The following NINL variants were observed in gnomAD, a reference collection of about 807,000 sequenced individuals.
The protein encoded by NINL is ninein like, also known as ninein-like protein.
In NINL, 153 loss-of-function variants were observed where a neutral mutation model predicts 160.3. The ratio of observed to expected loss-of-function variants is 0.95; its 90% CI spans 0.84 to 1.09. NINL has a LOEUF of 1.09. NINL is among the 50% of genes least tolerant of loss of function. The pLI, the probability that NINL is intolerant of heterozygous loss-of-function variation, is 0.00. For synonymous variants in NINL, 800 were observed against 734.8 expected, an observed-to-expected ratio of 1.09 and a Z score of -1.43; for missense variants, 1,829 against 1,764.0, an observed-to-expected ratio of 1.04 and a Z score of -0.66.
chr20:25,541,540 T>C (rs1228114856), intron 1 of NINL, among the ~76,000 whole-genome samples: 1 of 152,262 alleles, frequency 6.6e-6, no homozygotes, highest in African/African-American at 2.4e-5. Flanking sequence ...CTTATATTCA[T>C]GCTAGGACTA....
chr20:25,470,640 G>A (rs746260304), intron 17 of NINL, among the ~76,000 whole-genome samples: 8 of 152,186 alleles, frequency 5.3e-5, no homozygotes, highest in Non-Finnish European at 1.2e-4. Context: ...ACAACTCAGG[G>A]AGTCCCTGCT....
At chr20:25,472,477 T>C (rs922250134) in intron 17 of NINL, among the ~76,000 whole-genome samples, 1 of 149,780 alleles carries the variant, frequency 6.7e-6, no homozygotes, top group Non-Finnish European at 1.5e-5. Context: ...TTAATAGTAA[T>C]GGCTGAGAGA....
chr20:25,585,101 G>A (rs982083590), intron 1 of NINL, among the ~76,000 whole-genome samples: 2 of 152,148 alleles, frequency 1.3e-5, no homozygotes, highest in African/African-American at 2.4e-5. Context: ...TTACCACGGG[G>A]GGCCCCGGCC....
chr20:25,493,084 C>T (rs2063674831), intron 10 of NINL, among the ~76,000 whole-genome samples: 1 of 152,164 alleles, frequency 6.6e-6, no homozygotes. Flanking sequence ...GTTTCCAATC[C>T]TCTAACCCTG....
In NINL at chr20:25,554,210, G is replaced by A. The variant is rs1371734328; in HGVS notation, c.-11-27612C>T. ...CAAGGAGCCACACAGCGGGAGGGCT[G>A]CACTCTGCGGAGCATGGGGTCAGGA... On this transcript the variant is annotated intron_variant, in intron 1 of 23. Transcript: ENST00000278886. 3.9e-5 allele frequency among the ~76,000 whole-genome samples: 6 copies of A among 152,182 alleles called. No homozygotes were observed. In the South Asian group the frequency reaches 1.0e-3, roughly 26 times the overall value.
intron 17 of NINL, among the ~76,000 whole-genome samples, chr20:25,472,583 G>A (rs1035642923): frequency 1.3e-4 from 20 of 148,736 alleles, no homozygotes; most frequent in Non-Finnish European, 2.7e-4. Flanking sequence ...AGGCTGGAGT[G>A]CAGTGGTGCA....
At chr20:25,578,269 G>A (rs1336555120) in intron 1 of NINL, among the ~76,000 whole-genome samples, 1 of 151,270 alleles carries the variant, frequency 6.6e-6, no homozygotes, top group Non-Finnish European at 1.5e-5. Context: ...CACCACACCT[G>A]GCTAATTTTT....
At position 25,496,762 on chromosome 20, in the gene NINL, C is replaced by T; in HGVS notation, c.1211G>A (p.Arg404Lys). 6.2e-7 allele frequency: 1 copy of T among 1,614,082 alleles called. No individual in the cohort carries two copies. Among genetic ancestry groups the T allele is most frequent in the South Asian group, 1.1e-5 (1 of 91,082 alleles). Reference sequence around the variant, plus strand: ...CTTCTCGGCCCTCTCCAGGTCCTGCCTTGCCTTGTCACGCTCCCTTGCCAG... The same window carrying T: ...CTTCTCGGCCCTCTCCAGGTCCTGCTTTGCCTTGTCACGCTCCCTTGCCAG... ...EQLARERDKA[R>K]QDLERAEKRN... The change falls in exon 10 of 24, where the codon AGG (arginine) becomes AAG (lysine). Residue 404 changes from arginine (R) to lysine (K), a missense_variant. Physicochemically the swap from Arg to Lys is conservative, Grantham distance 26 (BLOSUM62 2). Coordinates refer to ENST00000278886, the MANE Select transcript of NINL (RefSeq NM_025176.6).
chr20:25,522,323 G>T (rs1396350614), intron 2 of NINL, among the ~76,000 whole-genome samples: 2 of 152,162 alleles, frequency 1.3e-5, no homozygotes, highest in African/African-American at 4.8e-5. Flanking sequence ...TTGAAAGCTT[G>T]GCCTGAGTTA....
rs189135858 is a variant in NINL at position 25,479,300 on chromosome 20, C to T, written c.1918-94G>A. 9.0e-5 allele frequency: 134 copies of T among 1,480,762 alleles called. No individual in the cohort carries two copies. In the African/African-American group the frequency reaches 1.0e-3, roughly 11 times the overall value. The allele number at this position is 1,480,762 out of a possible 1,614,324, so 91.7% of individuals were successfully genotyped here. ...AGAAACACGAAGCTGCCTGGCACAA[C>T]GTGCAAAGACCGGCATCCTGGCCTG... is the stretch of plus-strand genomic sequence containing the variant. On this transcript the variant is annotated intron_variant, in intron 15 of 23. Coordinates refer to ENST00000278886, the MANE Select transcript of NINL (RefSeq NM_025176.6).
At chr20:25,557,606 C>T (rs1017634065) in intron 1 of NINL, among the ~76,000 whole-genome samples, 2 of 151,656 alleles carry the variant, frequency 1.3e-5, no homozygotes, top group African/African-American at 4.8e-5. Flanking sequence ...AGTGATAATT[C>T]AACACAAAGA....
At chr20:25,517,977 C>T (rs375252513) in intron 2 of NINL, 128 bp from the exon 3 acceptor site, 34 of 523,082 alleles carry the variant, frequency 6.5e-5, no homozygotes, top group East Asian at 3.7e-4. Flanking sequence ...AGAACATTCA[C>T]GTTTTCAAAT....
chr20:25,504,168 G>A (rs2063919676), intron 6 of NINL, 64 bp from the exon 7 acceptor site: 1 of 1,498,068 alleles, frequency 6.7e-7, no homozygotes, highest in Admixed American at 2.3e-5. Flanking sequence ...CCCTCACCAG[G>A]GCCTCCCTCC....
chr20:25,510,801 C>A, intron 4 of NINL, 61 bp from the exon 5 acceptor site: 1 of 1,286,108 alleles, frequency 7.8e-7, no homozygotes, highest in Non-Finnish European at 1.1e-6. Context: ...GGACGGAGCA[C>A]CGGGAACAAA....
At chr20:25,578,377 C>T (rs1490277906) in intron 1 of NINL, among the ~76,000 whole-genome samples, 4 of 152,004 alleles carry the variant, frequency 2.6e-5, no homozygotes, top group South Asian at 2.1e-4. Flanking sequence ...CAAAGTGCTG[C>T]GATTACAGGT....
chr20:25,571,867 G>GAAAA (rs10536325), intron 1 of NINL, among the ~76,000 whole-genome samples: 1 of 41,550 alleles, frequency 2.4e-5, no homozygotes, highest in African/African-American at 7.9e-5. Flanking sequence ...GACTCTGTCT[G>GAAAA]AAAAAAAAAA....
In NINL at chr20:25,492,580, T is replaced by C. The variant is rs181735730; in HGVS notation, c.1311-1055A>G. ...CATTCTCCTGCCTCAGCCTCCCGAG[T>C]AGCTGGGACTACAGGCACCCACCAC... On this transcript the variant is annotated intron_variant, in intron 10 of 23. Coordinates refer to ENST00000278886, the MANE Select transcript of NINL (RefSeq NM_025176.6). Among the ~76,000 whole-genome samples the C allele has an allele frequency of 5.6e-3, 854 of 151,896 alleles. 3 individuals carry two copies. Among genetic ancestry groups the C allele is most frequent in the Middle Eastern group, 0.034 (10 of 294 alleles).
intron 13 of NINL, among the ~76,000 whole-genome samples, chr20:25,487,390 A>C (rs983433031): frequency 2.0e-5 from 3 of 152,204 alleles, no homozygotes; most frequent in Admixed American, 2.0e-4. Flanking sequence ...TGCTGCCTGG[A>C]AAGAATTCCA....
intron 10 of NINL, among the ~76,000 whole-genome samples, chr20:25,495,026 A>G (rs2063723771): frequency 6.6e-6 from 1 of 152,172 alleles, no homozygotes; most frequent in South Asian, 2.1e-4. Flanking sequence ...TGGCTGAACA[A>G]TGGGGATAAA....
Sources: allele counts gnomAD v4.1 joint callset (sites outside exome capture counted in the v4.1 genomes callset), GRCh38; gene constraint gnomAD v4.1.1; transcripts MANE v1.5; gene names NCBI Gene and HGNC (gene_info 2026-07-23, HGNC 2026-07-21).